BRPF3: variants seen among roughly 807,000 people sequenced by gnomAD.
BRPF3 encodes the protein bromodomain and PHD finger containing 3.
A neutral mutation model predicts 102.0 loss-of-function variants in BRPF3; 18 were observed. That is an observed-to-expected ratio of 0.18 (90% CI 0.12 to 0.26). The LOEUF (loss-of-function observed/expected upper bound fraction) is 0.26. BRPF3 is among the 10% of genes least tolerant of loss of function. The probability of loss-of-function intolerance (pLI) is 1.00; values close to 1 mark genes in which losing one functional copy is unlikely to be tolerated. For synonymous variants in BRPF3, 570 were observed against 614.2 expected, an observed-to-expected ratio of 0.93 and a Z score of 1.06; for missense variants, 1,147 against 1,567.8, an observed-to-expected ratio of 0.73 and a Z score of 4.53.
chr6:36,200,587 A>G lies in BRPF3; in HGVS notation c.265A>G (p.Lys89Glu), dbSNP rs748451499. Residue 89 changes from lysine to glutamate, a missense_variant, in exon 2 of 13, where the codon AAG (lysine) becomes GAG (glutamate). Coordinates refer to ENST00000357641, the MANE Select transcript of BRPF3 (RefSeq NM_015695.3). The surrounding 1 kb of genome is among the most constrained non-coding windows in gnomAD (Gnocchi z 5.3). Reference sequence around the variant, plus strand: ...CAGTGAACAGCCTCAGTTCCCTGGCAAGTCCAAGAAACCCTCATCCAAGGG... The same window carrying G: ...CAGTGAACAGCCTCAGTTCCCTGGCGAGTCCAAGAAACCCTCATCCAAGGG... Reference protein sequence around the residue: ...ENSEQPQFPGKSKKPSSKGKK... With the variant: ...ENSEQPQFPGESKKPSSKGKK... 2 of 1,614,216 alleles carry G rather than the reference A, an allele frequency of 1.2e-6. No homozygotes were observed. Among genetic ancestry groups the G allele is most frequent in the Non-Finnish European group, 1.7e-6 (2 of 1,180,038 alleles).
At chr6:36,215,247 G>A (rs949206967) in intron 8 of BRPF3, among the ~76,000 whole-genome samples, 57 of 152,178 alleles carry the variant, frequency 3.7e-4, no homozygotes, top group African/African-American at 1.3e-3. Context: ...CTCCCAAGTA[G>A]CTGGACTACA....
At chr6:36,207,042 A>G (rs945040403) in intron 3 of BRPF3, among the ~76,000 whole-genome samples, 1 of 152,160 alleles carries the variant, frequency 6.6e-6, no homozygotes, top group Admixed American at 6.5e-5. Flanking sequence ...CCAGAGGGCC[A>G]TAGCTGCTCT....
chr6:36,216,836 C>T (rs911605871), intron 8 of BRPF3, among the ~76,000 whole-genome samples: 6 of 152,056 alleles, frequency 3.9e-5, no homozygotes, highest in Admixed American at 2.0e-4. Context: ...CCCAGGAGCT[C>T]GAGACCAGCC....
chr6:36,228,881 C>T (rs1322943671), intron 11 of BRPF3, 21 bp from the exon 12 acceptor site: 4 of 1,613,320 alleles, frequency 2.5e-6, no homozygotes, highest in South Asian at 1.1e-5. Context: ...ACTGAGTGCC[C>T]ATCTTCTATT....
chr6:36,210,469 G>A lies in BRPF3; in HGVS notation c.2120G>A (p.Gly707Asp), dbSNP rs777424522. 4 of 1,606,444 alleles carry A rather than the reference G, an allele frequency of 2.5e-6. No homozygotes were observed. The Admixed American group carries it at 5.0e-5, about 20-fold the overall frequency. The change falls in exon 6 of 13, where the codon GGC (glycine) becomes GAC (aspartate). Residue 707 changes from glycine to aspartate, a missense_variant. Physicochemically the swap from Gly to Asp is moderately conservative, Grantham distance 94. Coordinates refer to ENST00000357641, the MANE Select transcript of BRPF3 (RefSeq NM_015695.3). The surrounding 1 kb of genome is among the most constrained non-coding windows in gnomAD (Gnocchi z 4.7). Reference protein sequence around the residue: ...AENIGYDPERGTHLPESPKLE... With the variant: ...AENIGYDPERDTHLPESPKLE... ...AACATCGGCTATGACCCCGAGAGGG[G>A]CACTCACCTGCCCGAGTCACCCAAA...
intron 9 of BRPF3, among the ~76,000 whole-genome samples, chr6:36,219,565 A>G (rs541085573): frequency 4.3e-4 from 66 of 152,302 alleles, no homozygotes; most frequent in Non-Finnish European, 7.6e-4. Flanking sequence ...TATGAGCCAC[A>G]AGAGCAAGCA....
Position 36,230,719 on chromosome 6 carries a change from A to T in BRPF3, c.*110A>T. ...GCCGGCAGCTTCCCCCTCTCATGGT[A>T]GGCCAGGGACTGGGCTTTCTCCCCA... is the stretch of plus-strand genomic sequence containing the variant. On this transcript the variant is annotated 3_prime_UTR_variant, in exon 13 of 13. Transcript: ENST00000357641. The surrounding 1 kb of genome is among the most constrained non-coding windows in gnomAD (Gnocchi z 5.4). The T allele has an allele frequency of 7.4e-7, 1 of 1,345,024 alleles. No individual in the cohort carries two copies. Among genetic ancestry groups the T allele is most frequent in the Admixed American group, 2.5e-5 (1 of 39,662 alleles). The allele number at this position is 1,345,024 out of a possible 1,614,324, so 83.3% of individuals were successfully genotyped here.
chr6:36,211,405 A>T lies in BRPF3; in HGVS notation c.2327A>T (p.Asn776Ile). Residue 776 changes from asparagine to isoleucine, a missense_variant, in exon 7 of 13, where the codon AAT becomes ATT. Asn to Ile is a moderately radical substitution (Grantham distance 149). Transcript: ENST00000357641. ...GTCCGCCTGCTACGCCGGGAGATCA[A>T]TGCCCTTCGGCAGAAGCTGGCACAG... ...RRVRLLRREI[N>I]ALRQKLAQPP... is the part of the protein sequence containing the mutation. 6.2e-7 allele frequency: 1 copy of T among 1,613,970 alleles called. No homozygotes were observed. The highest frequency in any genetic ancestry group is 8.5e-7 in the Non-Finnish European group (1 of 1,179,904).
At position 36,210,183 on chromosome 6, in the gene BRPF3, G is replaced by T. The variant is rs1768050763; in HGVS notation, c.1867-33G>T. On this transcript the variant is annotated intron_variant, in intron 5 of 12. Coordinates refer to ENST00000357641, the MANE Select transcript of BRPF3 (RefSeq NM_015695.3). This position sits in a 1 kb window ranked among gnomAD's most constrained non-coding sequence, Gnocchi z 4.7. ...GGTGTGTCTGTTTGGCTAGTAAATG[G>T]TTGTTGTAATTGTACAGGTTTTATA... 1 of 1,610,236 alleles carries T rather than the reference G, an allele frequency of 6.2e-7. No homozygotes were observed. The highest frequency in any genetic ancestry group is 1.1e-5 in the South Asian group (1 of 90,966).
At chr6:36,197,535 C>T (rs1034790481) in intron 1 of BRPF3, 6 of 152,110 alleles carry the variant, frequency 3.9e-5, no homozygotes, top group African/African-American at 1.5e-4. Flanking sequence ...GGCTGGGGTC[C>T]TCCTTGTCTC....
intron 1 of BRPF3, chr6:36,197,286 A>C (rs962255232): frequency 6.7e-6 from 1 of 150,320 alleles, no homozygotes; most frequent in South Asian, 2.1e-4. Flanking sequence ...CCGCCCCTTG[A>C]GCGGCCCTAG....
Position 36,232,145 on chromosome 6 carries a change from A to T in BRPF3, c.*1536A>T, listed in dbSNP as rs1768958686. 1 of 152,662 alleles carries T rather than the reference A, an allele frequency of 6.6e-6. No homozygotes were observed. Among genetic ancestry groups the T allele is most frequent in the Admixed American group, 6.5e-5 (1 of 15,290 alleles). The allele number at this position is 152,662 out of a possible 1,614,324, so 9.5% of individuals were successfully genotyped here. A position where few individuals can be genotyped will look rare whatever the true frequency, so the allele number is the denominator to read the frequency against. ...TAAAAGGGAACCAACAAAACACTAT[A>T]ACTTAAAAGGATGGGGTTTTGGATT... On this transcript the variant is annotated 3_prime_UTR_variant, in exon 13 of 13. Coordinates refer to ENST00000357641, the MANE Select transcript of BRPF3 (RefSeq NM_015695.3).
At chr6:36,218,930 T>C (rs1274307006) in intron 9 of BRPF3, among the ~76,000 whole-genome samples, 1 of 152,168 alleles carries the variant, frequency 6.6e-6, no homozygotes, top group Non-Finnish European at 1.5e-5. Flanking sequence ...TGTTCTGTGT[T>C]CTGCAAGACA....
intron 2 of BRPF3, among the ~76,000 whole-genome samples, chr6:36,203,845 A>G (rs1754006141): frequency 6.6e-6 from 1 of 152,214 alleles, no homozygotes; most frequent in East Asian, 1.9e-4. Flanking sequence ...TATTAGCTGT[A>G]TTAGTTACTT....
intron 10 of BRPF3, among the ~76,000 whole-genome samples, chr6:36,222,960 C>T (rs1374123229): frequency 1.3e-5 from 2 of 152,152 alleles, no homozygotes; most frequent in African/African-American, 2.4e-5. Flanking sequence ...CATTCACAAA[C>T]GTTATCAGTG....
rs950150396 is a variant in BRPF3, at chr6:36,232,426, C to G, written c.*1817C>G. 1 of 152,576 alleles carries G rather than the reference C, an allele frequency of 6.6e-6. No individual in the cohort carries two copies. Among genetic ancestry groups the G allele is most frequent in the Non-Finnish European group, 1.5e-5 (1 of 68,046 alleles). The allele number at this position is 152,576 out of a possible 1,614,324, so 9.5% of individuals were successfully genotyped here. A position where few individuals can be genotyped will look rare whatever the true frequency, so the allele number is the denominator to read the frequency against. ...GGACTTCCTCTCTTTCTATGTCTATCTCTTCCCCCCAACACTTTCTCTTCT... is the reference window on the plus strand; with the variant it reads ...GGACTTCCTCTCTTTCTATGTCTATGTCTTCCCCCCAACACTTTCTCTTCT... On this transcript the variant is annotated 3_prime_UTR_variant, in exon 13 of 13. Transcript: ENST00000357641.
rs200406778 is a variant in BRPF3 at position 36,214,357 on chromosome 6, A to G, written c.2960A>G (p.Glu987Gly). 3.1e-6 allele frequency: 5 copies of G among 1,600,372 alleles called. No individual in the cohort carries two copies. The highest frequency in any genetic ancestry group is 4.3e-6 in the Non-Finnish European group (5 of 1,173,096). The change falls in exon 8 of 13, where the codon GAG becomes GGG. Residue 987 changes from glutamate to glycine, a missense_variant. This residue lies in a region of BRPF3 where 379 missense variants were observed against 426.3 expected (regional missense o/e 0.89). Coordinates refer to ENST00000357641, the MANE Select transcript of BRPF3 (RefSeq NM_015695.3). Reference sequence around the variant, plus strand: ...AGGAGCTGTAGTGAGAGCGAAGGGGAGAGGTCCCCCCAGCAGGAGGAAGAG... The same window carrying G: ...AGGAGCTGTAGTGAGAGCGAAGGGGGGAGGTCCCCCCAGCAGGAGGAAGAG... ...RSRSCSESEG[E>G]RSPQQEEETG...
intron 11 of BRPF3, among the ~76,000 whole-genome samples, chr6:36,228,567 A>G (rs1040156500): frequency 4.6e-5 from 7 of 152,336 alleles, no homozygotes; most frequent in South Asian, 2.1e-4. Flanking sequence ...ACAGGAAGGT[A>G]GTGGGTAACC....
Position 36,211,326 on chromosome 6 carries a change from G to A in BRPF3, c.2248G>A (p.Glu750Lys). 1 of 1,614,258 alleles carries A rather than the reference G, an allele frequency of 6.2e-7. No homozygotes were observed. The change falls in exon 7 of 13, where the codon GAG (glutamate) becomes AAG (lysine). Residue 750 changes from glutamate to lysine, a missense_variant. Physicochemically the swap from Glu to Lys is moderately conservative, Grantham distance 56 (BLOSUM62 1). This residue lies in a region of BRPF3 where 379 missense variants were observed against 426.3 expected (regional missense o/e 0.89). Transcript: ENST00000357641. ...SPEVQLKELL[E>K]KLDLVSAMRS... is the part of the protein sequence containing the mutation. ...AGAGGTGCAGCTGAAGGAGCTGCTG[G>A]AGAAACTGGACCTGGTGAGCGCCAT...
Sources: gnomAD v4.1 joint callset for allele counts (sites outside exome capture counted in the v4.1 genomes callset) on GRCh38, gnomAD v4.1.1 for gene constraint, gnomAD v4.1.1 regional missense constraint, Gnocchi (gnomAD v3.1) non-coding constraint, MANE v1.5 for transcripts, NCBI Gene and HGNC (gene_info 2026-07-23, HGNC 2026-07-21) for gene names.